The following CLDN10 variants were observed in gnomAD, a reference collection of about 807,000 sequenced individuals.
The protein encoded by CLDN10 is claudin 10.
CLDN10 carries 15 observed loss-of-function variants against 22.9 expected under a neutral mutation model. That is an observed-to-expected ratio of 0.65 (90% CI 0.44 to 1.01). The LOEUF (loss-of-function observed/expected upper bound fraction) is 1.01, where lower values mean the gene tolerates loss of function less well. Among genes scored for constraint, CLDN10 ranks in the 50% least tolerant of loss-of-function variants. CLDN10 has a pLI of 0.00. For synonymous variants in CLDN10, 114 were observed against 111.4 expected, an observed-to-expected ratio of 1.02 and a Z score of -0.15; for missense variants, 247 against 287.8, an observed-to-expected ratio of 0.86 and a Z score of 1.03.
chr13:95,551,765 A>G (rs2043569108), upstream of CLDN10, among the ~76,000 whole-genome samples: 1 of 152,298 alleles, frequency 6.6e-6, no homozygotes, highest in Middle Eastern at 3.4e-3. Flanking sequence ...TTATGCCCAG[A>G]TTTGTGGCCT....
chr13:95,441,049 C>T (rs572662782), intron 1 of CLDN10, among the ~76,000 whole-genome samples: 29 of 152,320 alleles, frequency 1.9e-4, no homozygotes, highest in African/African-American at 6.5e-4. Context: ...CCTGGTCTCC[C>T]CCGTACCTAC....
chr13:95,474,226 A>G (rs555136680), intron 1 of CLDN10, among the ~76,000 whole-genome samples: 25 of 152,204 alleles, frequency 1.6e-4, no homozygotes, highest in Non-Finnish European at 2.4e-4. Flanking sequence ...ATCAGGCATT[A>G]GATTCTGATA....
At chr13:95,487,852 T>A (rs970425670) in intron 1 of CLDN10, among the ~76,000 whole-genome samples, 8 of 151,964 alleles carry the variant, frequency 5.3e-5, no homozygotes, top group East Asian at 2.0e-4. Context: ...TTTTAAAAAA[T>A]TTTTTTGTAG....
At chr13:95,520,190 TA>T (rs1336438627) in intron 1 of CLDN10, among the ~76,000 whole-genome samples, 16 of 152,350 alleles carry the variant, frequency 1.1e-4, no homozygotes, top group African/African-American at 3.8e-4. Flanking sequence ...TCTAGGTTAT[TA>T]ATAAAGGCTC....
chr13:95,504,062 C>T (rs2043012941), intron 1 of CLDN10, among the ~76,000 whole-genome samples: 1 of 152,154 alleles, frequency 6.6e-6, no homozygotes, highest in Admixed American at 6.5e-5. Flanking sequence ...CAGGAAAATG[C>T]ACACCTTAAA....
chr13:95,573,094 T>C (rs769212639), intron 3 of CLDN10, among the ~76,000 whole-genome samples: 1 of 152,196 alleles, frequency 6.6e-6, no homozygotes, highest in Non-Finnish European at 1.5e-5. Context: ...TACAGCTGGG[T>C]GGAGAGTGAC....
intron 3 of CLDN10, 59 bp from the exon 4 acceptor site, chr13:95,577,171 TA>T: frequency 1.7e-6 from 2 of 1,148,410 alleles, no homozygotes; most frequent in South Asian, 2.6e-5. Context: ...CTATCAGTGT[TA>T]AATACTGTTT....
chr13:95,541,677 C>T (rs760631119), intron 1 of CLDN10, among the ~76,000 whole-genome samples: 10 of 152,106 alleles, frequency 6.6e-5, no homozygotes, highest in Admixed American at 1.3e-4. Context: ...ACTTTTTAGA[C>T]GGGAAAAATG....
Position 95,467,236 on chromosome 13 carries a change from A to G in CLDN10, c.214+33189A>G, listed in dbSNP as rs868433542. 1.1e-4 allele frequency among the ~76,000 whole-genome samples: 16 copies of G among 152,222 alleles called. No homozygotes were observed. The East Asian group carries it at 1.5e-3, about 15-fold the overall frequency. ...GATGAATTATTTTGAAGCAGATTCC[A>G]GATACTGAAATTATTTTATTCATAA... On this transcript the variant is annotated intron_variant, in intron 1 of 4. Transcript: ENST00000376873.
At chr13:95,442,740 T>C (rs978896829) in intron 1 of CLDN10, among the ~76,000 whole-genome samples, 23 of 152,352 alleles carry the variant, frequency 1.5e-4, no homozygotes, top group Admixed American at 1.2e-3. Flanking sequence ...GTTTAATATA[T>C]GGGTTTGAAT....
intron 1 of CLDN10, among the ~76,000 whole-genome samples, chr13:95,525,370 A>G (rs780196939): frequency 5.3e-5 from 8 of 152,050 alleles, no homozygotes; most frequent in Admixed American, 1.3e-4. Context: ...GAGTTGTAAG[A>G]GTTCTTGATA....
At chr13:95,546,539 A>G (rs1439208679) in intron 1 of CLDN10, among the ~76,000 whole-genome samples, 1 of 152,246 alleles carries the variant, frequency 6.6e-6, no homozygotes, top group Non-Finnish European at 1.5e-5. Context: ...GCACTAGCTT[A>G]TAGGTATGTT....
At chr13:95,561,993 G>A (rs140985385) in intron 3 of CLDN10, among the ~76,000 whole-genome samples, 1,550 of 150,938 alleles carry the variant, frequency 0.01, 29 homozygotes, top group African/African-American at 0.036. Flanking sequence ...GCAGTGGTGC[G>A]ATCTCGACTC....
intron 1 of CLDN10, among the ~76,000 whole-genome samples, chr13:95,529,897 T>G (rs1049539594): frequency 1.3e-5 from 2 of 152,212 alleles, no homozygotes; most frequent in Non-Finnish European, 2.9e-5. Context: ...TTAATAATTC[T>G]GGTGAGGAAA....
intron 1 of CLDN10, among the ~76,000 whole-genome samples, chr13:95,543,659 T>C (rs1465558267): frequency 6.6e-6 from 1 of 152,178 alleles, no homozygotes; most frequent in Non-Finnish European, 1.5e-5. Flanking sequence ...GGAAAATTCA[T>C]AAATTTCATT....
At chr13:95,550,863 C>T (rs979597227), upstream of CLDN10, among the ~76,000 whole-genome samples, 3 of 109,870 alleles carry the variant, frequency 2.7e-5, no homozygotes, top group African/African-American at 7.3e-5. Flanking sequence ...TTAGTAGAGA[C>T]GGGATTTCAC....
At chr13:95,441,250 T>G (rs998916255) in intron 1 of CLDN10, among the ~76,000 whole-genome samples, 1 of 152,184 alleles carries the variant, frequency 6.6e-6, no homozygotes, top group Non-Finnish European at 1.5e-5. Flanking sequence ...TGGATTTGTT[T>G]TTGTGGTCTT....
At chr13:95,474,570 A>G (rs1229417332) in intron 1 of CLDN10, among the ~76,000 whole-genome samples, 3 of 152,198 alleles carry the variant, frequency 2.0e-5, no homozygotes, top group Non-Finnish European at 4.4e-5. Context: ...AGGGAAGATA[A>G]GAACAGGTTA....
upstream of CLDN10, among the ~76,000 whole-genome samples, chr13:95,550,919 C>T (rs1003957691): frequency 6.6e-6 from 1 of 150,920 alleles, no homozygotes; most frequent in Non-Finnish European, 1.5e-5. Flanking sequence ...ATGATCCGCC[C>T]GCCTCGGCCT....
Sources: allele counts gnomAD v4.1 joint callset (sites outside exome capture counted in the v4.1 genomes callset), GRCh38; gene constraint gnomAD v4.1.1; transcripts MANE v1.5; gene names NCBI Gene and HGNC (gene_info 2026-07-23, HGNC 2026-07-21).